LCA5L: variants seen among roughly 807,000 people sequenced by gnomAD.
The protein encoded by LCA5L is lebercilin-like protein.
A neutral mutation model predicts 45.4 loss-of-function variants in LCA5L; 35 were observed. The observed-to-expected ratio is 0.77, with a 90% CI of 0.59 to 1.02. The LOEUF (loss-of-function observed/expected upper bound fraction) is 1.02, where lower values mean the gene tolerates loss of function less well. Ranked by LOEUF, LCA5L falls within the 50% of genes least tolerant of loss-of-function variation. LCA5L has a pLI of 0.00. For synonymous variants in LCA5L, 233 were observed against 264.7 expected, an observed-to-expected ratio of 0.88 and a Z score of 1.16; for missense variants, 668 against 761.6, an observed-to-expected ratio of 0.88 and a Z score of 1.45.
intron 3 of LCA5L, among the ~76,000 whole-genome samples, chr21:39,431,670 A>T (rs2075741227): frequency 6.6e-6 from 1 of 152,040 alleles, no homozygotes. Flanking sequence ...GGTACGTGCC[A>T]CCAAGCCCAG....
At chr21:39,414,734 C>CTGTGTGTG (rs1446676855) in intron 7 of LCA5L, among the ~76,000 whole-genome samples, 88 of 103,226 alleles carry the variant, frequency 8.5e-4, no homozygotes, top group African/African-American at 3.4e-3. Context: ...CTCTCTCTCT[C>CTGTGTGTG]TCTCTCTCTG....
In LCA5L at chr21:39,406,353, C is replaced by A. The variant is rs200618900; in HGVS notation, c.1542G>T (p.Thr514=). The A allele has an allele frequency of 6.2e-7, 1 of 1,614,132 alleles. No individual in the cohort carries two copies. The part of the protein sequence containing the change: ...DTLGKGTAPY[T]KGPLRQRRHY... ...GTCTTCTTTGTCTGAGGGGGCCTTTCGTGTAGGGAGCAGTGCCTTTGCCAA... is the reference window on the plus strand; with the variant it reads ...GTCTTCTTTGTCTGAGGGGGCCTTTAGTGTAGGGAGCAGTGCCTTTGCCAA... Residue 514 remains threonine, a synonymous_variant, in exon 11 of 11, where the codon ACG becomes ACT. Transcript: ENST00000288350.
intron 2 of LCA5L, chr21:39,439,515 A>C (rs567367152): frequency 6.6e-6 from 1 of 152,372 alleles, no homozygotes; most frequent in South Asian, 2.1e-4. Context: ...CACTGTTATA[A>C]ATTTCAAGAA....
At chr21:39,413,362 A>G (rs550603820) in intron 7 of LCA5L, among the ~76,000 whole-genome samples, 4 of 152,312 alleles carry the variant, frequency 2.6e-5, no homozygotes, top group Admixed American at 2.0e-4. Flanking sequence ...TTTGAGTTAG[A>G]AGAGACTGAG....
At chr21:39,442,115 C>T (rs2076922868) in intron 2 of LCA5L, among the ~76,000 whole-genome samples, 1 of 152,130 alleles carries the variant, frequency 6.6e-6, no homozygotes, top group South Asian at 2.1e-4. Flanking sequence ...TGACAGCGAT[C>T]AGGGAAGTTA....
chr21:39,413,375 A>C (rs550589041), intron 7 of LCA5L, among the ~76,000 whole-genome samples: 1 of 152,222 alleles, frequency 6.6e-6, no homozygotes, highest in South Asian at 2.1e-4. Context: ...AGACTGAGAC[A>C]AGCTTTTATC....
chr21:39,406,328 G>A lies in LCA5L; in HGVS notation c.1567C>T (p.His523Tyr). The change falls in exon 11 of 11, where the codon CAT (histidine) becomes TAT (tyrosine). Residue 523 changes from histidine (H) to tyrosine (Y), a missense_variant. Coordinates refer to ENST00000288350, the MANE Select transcript of LCA5L (RefSeq NM_152505.4). ...YTKGPLRQRR[H>Y]YSFTEATENL... ...TCAGTTGCTTCTGTGAATGAGTAATGTCTTCTTTGTCTGAGGGGGCCTTTC... is the reference window on the plus strand; with the variant it reads ...TCAGTTGCTTCTGTGAATGAGTAATATCTTCTTTGTCTGAGGGGGCCTTTC... 1 of 1,614,172 alleles carries A rather than the reference G, an allele frequency of 6.2e-7. No individual in the cohort carries two copies. Among genetic ancestry groups the A allele is most frequent in the Non-Finnish European group, 8.5e-7 (1 of 1,180,018 alleles).
intron 2 of LCA5L, among the ~76,000 whole-genome samples, chr21:39,442,132 T>C (rs932561034): frequency 6.6e-6 from 1 of 152,148 alleles, no homozygotes; most frequent in African/African-American, 2.4e-5. Context: ...GTTATCCCTG[T>C]AGAAGTACTG....
Position 39,410,039 on chromosome 21 carries a change from CATG to C in LCA5L, c.1219_1221del (p.His407del), listed in dbSNP as rs1328134452. The C allele has an allele frequency of 1.9e-6, 3 of 1,610,362 alleles. No individual in the cohort carries two copies. Among genetic ancestry groups the C allele is most frequent in the Non-Finnish European group, 2.5e-6 (3 of 1,177,332 alleles). ...AGTTTATTCACACAGTGAGGAATTT[CATG>C]ATTTATTTCAGTTGATTTTTCTTTA... is the stretch of plus-strand genomic sequence containing the variant. On this transcript the variant is annotated inframe_deletion, in exon 10 of 11. Transcript: ENST00000288350.
intron 6 of LCA5L, 40 bp downstream of exon 6, chr21:39,422,936 C>T (rs1181080668): frequency 6.3e-7 from 1 of 1,583,056 alleles, no homozygotes; most frequent in African/African-American, 1.4e-5. Flanking sequence ...TCTCTATTAA[C>T]TTTGGAATCT....
intron 3 of LCA5L, among the ~76,000 whole-genome samples, chr21:39,434,995 TCAGA>T (rs2076154540): frequency 6.6e-6 from 1 of 152,224 alleles, no homozygotes. Context: ...ACAGTATAGT[TCAGA>T]TTTAGTTTGG....
At chr21:39,444,474 A>G (rs969206682) in intron 1 of LCA5L, among the ~76,000 whole-genome samples, 1 of 152,228 alleles carries the variant, frequency 6.6e-6, no homozygotes, top group Non-Finnish European at 1.5e-5. Flanking sequence ...ACTTTTACCT[A>G]TGGAAGTTGT....
At chr21:39,430,233 G>T (rs1451447416) in intron 3 of LCA5L, among the ~76,000 whole-genome samples, 1 of 152,092 alleles carries the variant, frequency 6.6e-6, no homozygotes, top group Non-Finnish European at 1.5e-5. Context: ...TCAAACAATG[G>T]TTGCTAATCC....
At chr21:39,444,246 G>A (rs924961184) in intron 1 of LCA5L, 45 bp from the exon 2 acceptor site, 1 of 152,172 alleles carries the variant, frequency 6.6e-6, no homozygotes, top group Non-Finnish European at 1.5e-5. Context: ...CATGATTCCT[G>A]TCTTTGCGCT....
chr21:39,437,520 C>G (rs939032599), intron 2 of LCA5L, among the ~76,000 whole-genome samples: 2 of 152,060 alleles, frequency 1.3e-5, no homozygotes, highest in African/African-American at 2.4e-5. Context: ...AGTGCAGTAG[C>G]GTGATCACAG....
chr21:39,407,865 T>C (rs1346730645), intron 10 of LCA5L: 1 of 152,256 alleles, frequency 6.6e-6, no homozygotes, highest in Non-Finnish European at 1.5e-5. Flanking sequence ...ACAGTGCAAC[T>C]GCAACTGACG....
chr21:39,410,473 A>G (rs2039895754), intron 8 of LCA5L, 106 bp from the exon 9 acceptor site: 2 of 601,074 alleles, frequency 3.3e-6, no homozygotes. Context: ...AAAGTATACT[A>G]AGTATTTTCT....
At chr21:39,415,685 A>C (rs1470008072) in intron 7 of LCA5L, among the ~76,000 whole-genome samples, 1 of 152,238 alleles carries the variant, frequency 6.6e-6, no homozygotes, top group African/African-American at 2.4e-5. Flanking sequence ...TTTGAATTAG[A>C]ATCTAAACAA....
At chr21:39,444,970 G>A (rs917522938) in intron 1 of LCA5L, among the ~76,000 whole-genome samples, 5 of 152,120 alleles carry the variant, frequency 3.3e-5, no homozygotes. Flanking sequence ...TCAGGGGAGG[G>A]GCGAGGGCTG....
Sources: gnomAD v4.1 joint callset for allele counts (sites outside exome capture counted in the v4.1 genomes callset) on GRCh38, gnomAD v4.1.1 for gene constraint, MANE v1.5 for transcripts, NCBI Gene and HGNC (gene_info 2026-07-23, HGNC 2026-07-21) for gene names.